Variants in ATG5 observed in about 807,000 individuals in gnomAD.
The protein encoded by ATG5 is autophagy related 5.
A neutral mutation model predicts 36.5 loss-of-function variants in ATG5; 14 were observed. That is an observed-to-expected ratio of 0.38 (90% CI 0.25 to 0.60). The LOEUF is 0.60. ATG5 is among the 20% of genes least tolerant of loss of function. The pLI is 0.60. For missense variants in ATG5, 195 were observed against 326.7 expected (o/e 0.60, Z 3.11); for synonymous variants, 95 against 101.5 (o/e 0.94, Z 0.38).
At chr6:106,200,401 A>C (rs1306996046) in intron 7 of ATG5, among the ~76,000 whole-genome samples, 4 of 152,192 alleles carry the variant, frequency 2.6e-5, no homozygotes, top group Non-Finnish European at 5.9e-5. Context: ...ATATATACTA[A>C]TGCATTACCT....
intron 3 of ATG5, among the ~76,000 whole-genome samples, chr6:106,298,839 C>T (rs1770088989): frequency 1.3e-5 from 2 of 152,278 alleles, no homozygotes; most frequent in South Asian, 4.1e-4. Context: ...ATATTCAACA[C>T]AATCTATAAA....
chr6:106,247,466 C>G (rs1369258701), intron 6 of ATG5, among the ~76,000 whole-genome samples: 1 of 152,180 alleles, frequency 6.6e-6, no homozygotes, highest in Non-Finnish European at 1.5e-5. Flanking sequence ...ACACTGAAGA[C>G]TCACCATCCA....
intron 5 of ATG5, among the ~76,000 whole-genome samples, chr6:106,254,074 C>A (rs1041771891): frequency 6.6e-6 from 1 of 152,120 alleles, no homozygotes; most frequent in African/African-American, 2.4e-5. Context: ...CTAAGTCATG[C>A]TATTTTTCTT....
intron 1 of ATG5, among the ~76,000 whole-genome samples, chr6:106,322,385 C>T (rs1269292059): frequency 1.3e-5 from 2 of 152,198 alleles, no homozygotes; most frequent in Non-Finnish European, 2.9e-5. Flanking sequence ...ACTTACTAAA[C>T]TAAGCGTGTA....
At chr6:106,226,945 G>A (rs572975010) in intron 6 of ATG5, among the ~76,000 whole-genome samples, 8 of 151,986 alleles carry the variant, frequency 5.3e-5, no homozygotes, top group African/African-American at 1.9e-4. Context: ...AGGAAGGAAA[G>A]GAGGCTCAGA....
intron 5 of ATG5, among the ~76,000 whole-genome samples, chr6:106,254,089 G>A (rs1161525904): frequency 6.6e-6 from 1 of 151,858 alleles, no homozygotes; most frequent in African/African-American, 2.4e-5. Flanking sequence ...TTTCTTTTCG[G>A]TCCCTAGTAA....
At chr6:106,211,531 A>G (rs187020933) in intron 6 of ATG5, among the ~76,000 whole-genome samples, 1 of 152,330 alleles carries the variant, frequency 6.6e-6, no homozygotes, top group Non-Finnish European at 1.5e-5. Context: ...CAACATGGCG[A>G]AACCTCATCT....
At position 106,265,910 on chromosome 6, in the gene ATG5, G is replaced by A. The variant is rs534406756; in HGVS notation, c.478+13751C>T. Among the ~76,000 whole-genome samples the A allele has an allele frequency of 5.2e-4, 79 of 151,986 alleles. 1 individual carries two copies. Among genetic ancestry groups the A allele is most frequent in the African/African-American group, 1.9e-3 (77 of 41,438 alleles). The stretch of plus-strand genomic sequence containing the variant: ...CAGAAAGCTCGAAAGATCTAAAATC[G>A]ACACCCTAACATCACAATCAAAAGA... On this transcript the variant is annotated intron_variant, in intron 5 of 7. Transcript: ENST00000369076.
chr6:106,284,648 C>A (rs1037628827), intron 4 of ATG5, among the ~76,000 whole-genome samples: 1 of 152,114 alleles, frequency 6.6e-6, no homozygotes, highest in African/African-American at 2.4e-5. Flanking sequence ...AGCCACCACA[C>A]CCAGCCTTGT....
intron 6 of ATG5, among the ~76,000 whole-genome samples, chr6:106,229,720 C>A (rs1276521565): frequency 6.6e-6 from 1 of 152,186 alleles, no homozygotes; most frequent in Non-Finnish European, 1.5e-5. Flanking sequence ...CACTGACAAC[C>A]CATAGCCTTC....
At chr6:106,209,434 G>T (rs1398036166) in intron 6 of ATG5, among the ~76,000 whole-genome samples, 1 of 152,072 alleles carries the variant, frequency 6.6e-6, no homozygotes, top group Non-Finnish European at 1.5e-5. Context: ...ATCTCAAAAG[G>T]TTACACACTG....
At position 106,264,613 on chromosome 6, in the gene ATG5, G is replaced by A. The variant is rs368839379; in HGVS notation, c.478+15048C>T. Among the ~76,000 whole-genome samples the A allele has an allele frequency of 3.5e-4, 53 of 152,292 alleles. 1 individual carries two copies. Among genetic ancestry groups the A allele is most frequent in the African/African-American group, 1.3e-3 (53 of 41,552 alleles). On this transcript the variant is annotated intron_variant, in intron 5 of 7. Transcript: ENST00000369076. ...AGAGAAAGGTTAGGTTTCCTACAAG[G>A]GGAAGCCCATCAGACTAACAGCGGA...
At chr6:106,323,680 C>T (rs1223816031) in intron 1 of ATG5, among the ~76,000 whole-genome samples, 1 of 152,164 alleles carries the variant, frequency 6.6e-6, no homozygotes, top group Non-Finnish European at 1.5e-5. Context: ...TCACCTCGAC[C>T]TTTAACCTGG....
In ATG5 at chr6:106,195,260, C is replaced by T. The variant is rs78882959; in HGVS notation, c.691+6712G>A. On this transcript the variant is annotated intron_variant, in intron 7 of 7. Coordinates refer to ENST00000369076, the MANE Select transcript of ATG5 (RefSeq NM_004849.4). The stretch of plus-strand genomic sequence containing the variant: ...TTGTAGGGAGTAGAAGACAATGGTG[C>T]CACATAACTTTTATGAAGTACTTTC... Among the ~76,000 whole-genome samples, 53 of 152,230 alleles carry T rather than the reference C, an allele frequency of 3.5e-4. 4 individuals carry two copies. The East Asian group carries it at 0.01, about 29-fold the overall frequency.
At position 106,285,385 on chromosome 6, in the gene ATG5, T is replaced by C. The variant is rs553454483; in HGVS notation, c.316-5562A>G. On this transcript the variant is annotated intron_variant, in intron 4 of 7. Transcript: ENST00000369076. ...TTTTTTTTATTTGATATGGACCATA[T>C]TTTCTTGCTTATTTGCAAGTCAAGT... Among the ~76,000 whole-genome samples, 8 of 152,364 alleles carry C rather than the reference T, an allele frequency of 5.3e-5. No individual in the cohort carries two copies. The East Asian group carries it at 1.5e-3, about 29-fold the overall frequency.
intron 2 of ATG5, among the ~76,000 whole-genome samples, chr6:106,309,371 T>A (rs192557976): frequency 1.3e-5 from 2 of 152,216 alleles, no homozygotes; most frequent in Admixed American, 1.3e-4. Context: ...GAGTCCAAGA[T>A]AATAGGTACC....
intron 6 of ATG5, among the ~76,000 whole-genome samples, chr6:106,222,903 C>A (rs189177061): frequency 6.2e-4 from 95 of 152,178 alleles, no homozygotes; most frequent in African/African-American, 2.2e-3. Context: ...TTCAATAAAG[C>A]GCAATAAATG....
intron 6 of ATG5, among the ~76,000 whole-genome samples, chr6:106,230,200 G>A (rs1293809886): frequency 6.6e-6 from 1 of 151,956 alleles, no homozygotes; most frequent in Admixed American, 6.5e-5. Context: ...TCAAATGTCA[G>A]AGCTGTTTGC....
chr6:106,220,088 G>C (rs1248947013), intron 6 of ATG5, among the ~76,000 whole-genome samples: 4 of 152,032 alleles, frequency 2.6e-5, no homozygotes, highest in African/African-American at 4.8e-5. Flanking sequence ...TCTGTAAAAT[G>C]CTCCCAAGAT....
Sources: allele counts gnomAD v4.1 joint callset (sites outside exome capture counted in the v4.1 genomes callset), GRCh38; gene constraint gnomAD v4.1.1; transcripts MANE v1.5; gene names NCBI Gene and HGNC (gene_info 2026-07-23, HGNC 2026-07-21).